The following TSPAN9 variants were observed in gnomAD, a reference collection of about 807,000 sequenced individuals.
TSPAN9 encodes tetraspanin 9.
Under a neutral mutation model 31.0 loss-of-function variants are expected in TSPAN9, and 16 were observed. The observed-to-expected ratio is 0.52, with a 90% CI of 0.35 to 0.78. The LOEUF (loss-of-function observed/expected upper bound fraction) is 0.78, where lower values mean the gene tolerates loss of function less well. Among genes scored for constraint, TSPAN9 ranks in the 30% least tolerant of loss-of-function variants. TSPAN9 has a pLI of 0.01. For missense variants in TSPAN9, 272 were observed against 312.5 expected (o/e 0.87, Z 0.98); for synonymous variants, 145 against 121.6 (o/e 1.19, Z -1.27).
chr12:3,143,669 C>A lies in TSPAN9; in HGVS notation c.-17-57508C>A, dbSNP rs141292468. ...ATAGGTTAGAGTTACAGGAACAGCA[C>A]AATAGATATTTATTTTGTTGTTCAA... On this transcript the variant is annotated intron_variant, in intron 2 of 8. Coordinates refer to ENST00000011898, the MANE Select transcript of TSPAN9 (RefSeq NM_006675.5). The surrounding 1 kb of genome is among the most constrained non-coding windows in gnomAD (Gnocchi z 4.2). Among the ~76,000 whole-genome samples the A allele has an allele frequency of 3.7e-3, 568 of 152,336 alleles. 2 individuals are homozygous for A. The highest frequency in any genetic ancestry group is 0.013 in the African/African-American group (549 of 41,572).
intron 3 of TSPAN9, among the ~76,000 whole-genome samples, chr12:3,262,382 T>C (rs1423151382): frequency 6.6e-6 from 1 of 151,918 alleles, no homozygotes; most frequent in Non-Finnish European, 1.5e-5. Context: ...CTTTTTTTTT[T>C]TTTCTGTTGA....
At chr12:3,273,850 C>T (rs2153980342) in intron 3 of TSPAN9, among the ~76,000 whole-genome samples, 1 of 152,358 alleles carries the variant, frequency 6.6e-6, no homozygotes, top group Admixed American at 6.5e-5. Flanking sequence ...TCACCTCCTC[C>T]CTCCTGCCCT....
intron 2 of TSPAN9, among the ~76,000 whole-genome samples, chr12:3,139,850 A>C (rs993369543): frequency 6.6e-6 from 1 of 152,156 alleles, no homozygotes; most frequent in Non-Finnish European, 1.5e-5. Context: ...GCCTGGCCTC[A>C]GATAGCTTTT....
At chr12:3,257,186 G>T (rs1862362998) in intron 3 of TSPAN9, among the ~76,000 whole-genome samples, 1 of 151,904 alleles carries the variant, frequency 6.6e-6, no homozygotes, top group African/African-American at 2.4e-5. Context: ...TCTGCTGGTG[G>T]CATGACATCT....
At chr12:3,191,268 G>A (rs1368934426) in intron 2 of TSPAN9, among the ~76,000 whole-genome samples, 2 of 140,944 alleles carry the variant, frequency 1.4e-5, no homozygotes, top group African/African-American at 2.4e-5. Context: ...AGGGTCATCT[G>A]TGCTCTGGCC....
At chr12:3,229,073 T>C (rs2098389315) in intron 3 of TSPAN9, among the ~76,000 whole-genome samples, 1 of 152,188 alleles carries the variant, frequency 6.6e-6, no homozygotes, top group Admixed American at 6.5e-5. Context: ...TATAATCACA[T>C]CTGCAAAGAC....
rs559933017 is a variant in TSPAN9, at chr12:3,134,573, G to A, written c.-18+50854G>A. Among the ~76,000 whole-genome samples, 143 of 152,288 alleles carry A rather than the reference G, an allele frequency of 9.4e-4. 3 individuals carry two copies. The highest frequency in any genetic ancestry group is 3.3e-3 in the African/African-American group (138 of 41,556). On this transcript the variant is annotated intron_variant, in intron 2 of 8. Coordinates refer to ENST00000011898, the MANE Select transcript of TSPAN9 (RefSeq NM_006675.5). ...GGCTGCTGCTTTGGGGTGGAAGGTC[G>A]CTTGGGTCAGAGGGCCTTGGGTCAC...
chr12:3,137,488 A>T (rs1200393061), intron 2 of TSPAN9, among the ~76,000 whole-genome samples: 7 of 152,148 alleles, frequency 4.6e-5, no homozygotes, highest in African/African-American at 1.7e-4. Flanking sequence ...CCTTGTAGAT[A>T]CATACTCTGC....
intron 2 of TSPAN9, among the ~76,000 whole-genome samples, chr12:3,126,358 A>T (rs2098327367): frequency 6.6e-6 from 1 of 152,204 alleles, no homozygotes; most frequent in African/African-American, 2.4e-5. Flanking sequence ...CCTAGGCTCT[A>T]GGGAAGAGCC....
chr12:3,210,773 T>C (rs2098378257), intron 3 of TSPAN9, among the ~76,000 whole-genome samples: 1 of 150,136 alleles, frequency 6.7e-6, no homozygotes, highest in Non-Finnish European at 1.5e-5. Flanking sequence ...AGGCAGGGTC[T>C]CACTCCTGTC....
intron 3 of TSPAN9, among the ~76,000 whole-genome samples, chr12:3,220,852 C>T (rs1591686078): frequency 1.3e-5 from 2 of 152,116 alleles, no homozygotes; most frequent in Admixed American, 1.3e-4. Flanking sequence ...GAGGACAGGG[C>T]CCTTCCTATC....
At chr12:3,255,567 G>A (rs559117969) in intron 3 of TSPAN9, among the ~76,000 whole-genome samples, 63 of 152,362 alleles carry the variant, frequency 4.1e-4, no homozygotes, top group African/African-American at 1.5e-3. Context: ...GGTGTGGGGA[G>A]GACGGCACGG....
intron 2 of TSPAN9, among the ~76,000 whole-genome samples, chr12:3,096,252 T>C (rs2098308807): frequency 1.3e-5 from 2 of 152,206 alleles, no homozygotes; most frequent in Admixed American, 1.3e-4. Context: ...GACTGGTCTG[T>C]GCACCCTGGT....
chr12:3,275,127 A>G (rs944548615), intron 3 of TSPAN9, among the ~76,000 whole-genome samples: 1 of 152,212 alleles, frequency 6.6e-6, no homozygotes, highest in African/African-American at 2.4e-5. Context: ...CAGTTTGAAG[A>G]GAGGTGACCA....
In TSPAN9 at chr12:3,168,800, G is replaced by C. The variant is rs1287487121; in HGVS notation, c.-17-32377G>C. Among the ~76,000 whole-genome samples, 1 of 152,168 alleles carries C rather than the reference G, an allele frequency of 6.6e-6. No homozygotes were observed. On this transcript the variant is annotated intron_variant, in intron 2 of 8. Transcript: ENST00000011898. This position sits in a 1 kb window ranked among gnomAD's most constrained non-coding sequence, Gnocchi z 4.0. Reference sequence around the variant, plus strand: ...CTCTTTTCTGTGTCTCCACCATAAAGTACTCGTTGAGTAAATGAATGAATC... The same window carrying C: ...CTCTTTTCTGTGTCTCCACCATAAACTACTCGTTGAGTAAATGAATGAATC...
At chr12:3,089,217 G>A (rs1332199375) in intron 2 of TSPAN9, among the ~76,000 whole-genome samples, 5 of 147,162 alleles carry the variant, frequency 3.4e-5, no homozygotes, top group African/African-American at 1.3e-4. Flanking sequence ...GGGTGACAGA[G>A]CGAGACTCCA....
At chr12:3,198,627 GCCACCACCAGCACAGC>G (rs1359342825) in intron 2 of TSPAN9, among the ~76,000 whole-genome samples, 3 of 92,078 alleles carry the variant, frequency 3.3e-5, no homozygotes, top group East Asian at 3.0e-4. Context: ...ACCAGCACAG[GCCACCACCAGCACAGC>G]TCACCACCAG....
chr12:3,088,335 G>C (rs1249104828), intron 2 of TSPAN9, among the ~76,000 whole-genome samples: 1 of 152,202 alleles, frequency 6.6e-6, no homozygotes, highest in Non-Finnish European at 1.5e-5. Context: ...TTTGAGTGCT[G>C]TCTGCAGCAT....
intron 2 of TSPAN9, among the ~76,000 whole-genome samples, chr12:3,186,244 T>G (rs781092648): frequency 2.6e-5 from 4 of 152,234 alleles, no homozygotes; most frequent in Non-Finnish European, 5.9e-5. Context: ...TCAAAAATAC[T>G]TACACCTGTC....
Sources: allele counts gnomAD v4.1 joint callset (sites outside exome capture counted in the v4.1 genomes callset), GRCh38; gene constraint gnomAD v4.1.1; non-coding constraint Gnocchi (gnomAD v3.1); transcripts MANE v1.5; gene names NCBI Gene and HGNC (gene_info 2026-07-23, HGNC 2026-07-21).